Variants in ST6GAL2 observed in about 807,000 individuals in gnomAD.
ST6GAL2 encodes the protein ST6 beta-galactoside alpha-2,6-sialyltransferase 2.
A neutral mutation model predicts 37.5 loss-of-function variants in ST6GAL2; 24 were observed. The ratio of observed to expected loss-of-function variants is 0.64; its 90% CI spans 0.46 to 0.90. The LOEUF is 0.90. ST6GAL2 is among the 40% of genes least tolerant of loss of function. ST6GAL2 has a pLI of 0.00. For missense variants in ST6GAL2, 715 were observed against 712.7 expected (o/e 1.00, Z -0.04); for synonymous variants, 306 against 295.1 (o/e 1.04, Z -0.38).
chr2:106,830,351 G>C (rs1009410829), intron 4 of ST6GAL2, 111 bp from the exon 5 acceptor site: 1 of 831,576 alleles, frequency 1.2e-6, no homozygotes, highest in Non-Finnish European at 1.9e-6. Flanking sequence ...CTAGAGGATG[G>C]GGAAAGATCA....
chr2:106,810,949 C>T (rs1236843934), intron 5 of ST6GAL2, among the ~76,000 whole-genome samples: 1 of 117,236 alleles, frequency 8.5e-6, no homozygotes, highest in African/African-American at 3.4e-5. Context: ...GAGTGGCATC[C>T]TGTCAAAATA....
At chr2:106,827,520 C>T (rs1436367899) in intron 5 of ST6GAL2, among the ~76,000 whole-genome samples, 2 of 152,184 alleles carry the variant, frequency 1.3e-5, no homozygotes, top group Non-Finnish European at 2.9e-5. Context: ...TCTTCTGTTG[C>T]CTCTTCTATC....
intron 1 of ST6GAL2, among the ~76,000 whole-genome samples, chr2:106,859,049 G>A (rs1356552764): frequency 2.0e-5 from 3 of 152,172 alleles, no homozygotes; most frequent in Non-Finnish European, 4.4e-5. Flanking sequence ...CCAATGCTGC[G>A]ACAGTACAAC....
intron 1 of ST6GAL2, among the ~76,000 whole-genome samples, chr2:106,882,867 G>A (rs570445739): frequency 6.6e-6 from 1 of 152,368 alleles, no homozygotes; most frequent in East Asian, 1.9e-4. Flanking sequence ...GGATGGCACA[G>A]AACAGTTCCG....
intron 1 of ST6GAL2, among the ~76,000 whole-genome samples, chr2:106,884,905 G>A (rs773638895): frequency 8.5e-4 from 28 of 32,938 alleles, no homozygotes; most frequent in African/African-American, 4.6e-3. Flanking sequence ...AATTTGCAGC[G>A]CATATATATA....
intron 1 of ST6GAL2, among the ~76,000 whole-genome samples, chr2:106,865,813 TG>T (rs1273164052): frequency 7.2e-5 from 11 of 152,206 alleles, no homozygotes; most frequent in Non-Finnish European, 1.5e-5. Context: ...TTTTATAAAA[TG>T]GATTAGTTCT....
intron 1 of ST6GAL2, among the ~76,000 whole-genome samples, chr2:106,877,335 C>T (rs775453873): frequency 6.6e-6 from 1 of 152,196 alleles, no homozygotes; most frequent in Non-Finnish European, 1.5e-5. Context: ...ATGGAGCTGA[C>T]AATGTCACAT....
At chr2:106,862,526 A>C (rs1315847088) in intron 1 of ST6GAL2, among the ~76,000 whole-genome samples, 2 of 152,212 alleles carry the variant, frequency 1.3e-5, no homozygotes, top group African/African-American at 4.8e-5. Flanking sequence ...TTGATTTCGA[A>C]GAAAAAAAAT....
rs1675436103 is a variant in ST6GAL2 at position 106,806,934 on chromosome 2, A to G, written c.1334T>C (p.Met445Thr). 6.2e-7 allele frequency: 1 copy of G among 1,610,846 alleles called. No homozygotes were observed. The highest frequency in any genetic ancestry group is 1.3e-5 in the African/African-American group (1 of 74,864). The change falls in exon 6 of 6, where the codon ATG becomes ACG. Residue 445 changes from methionine (M) to threonine (T), a missense_variant. Transcript: ENST00000409382. ...SSGFIGILIM[M>T]SMCREVHVYE... ...CACGTGCACCTCTCTGCACATGGAC[A>G]TCATTATGAGGATTCCTGACATGAA...
chr2:106,822,982 T>G (rs1334190501), intron 5 of ST6GAL2: 2 of 152,318 alleles, frequency 1.3e-5, no homozygotes, highest in East Asian at 3.9e-4. Context: ...TTGATAAACT[T>G]TCTATGTACG....
chr2:106,853,625 T>C (rs1288244093), intron 1 of ST6GAL2, among the ~76,000 whole-genome samples: 1 of 152,170 alleles, frequency 6.6e-6, no homozygotes, highest in African/African-American at 2.4e-5. Flanking sequence ...GACAGACTCA[T>C]GTGAGCTGGG....
intron 5 of ST6GAL2, among the ~76,000 whole-genome samples, chr2:106,811,199 A>T (rs1216178612): frequency 6.6e-6 from 1 of 152,202 alleles, no homozygotes; most frequent in African/African-American, 2.4e-5. Context: ...GAAAATTATT[A>T]GTATTAAATT....
At chr2:106,881,006 G>T (rs748045812) in intron 1 of ST6GAL2, among the ~76,000 whole-genome samples, 4 of 152,026 alleles carry the variant, frequency 2.6e-5, no homozygotes, top group Non-Finnish European at 5.9e-5. Context: ...TATTTTCTGA[G>T]ATAGGGTCTC....
intron 1 of ST6GAL2, among the ~76,000 whole-genome samples, chr2:106,854,032 C>T (rs1162243783): frequency 6.6e-6 from 1 of 152,186 alleles, no homozygotes; most frequent in Non-Finnish European, 1.5e-5. Flanking sequence ...ATGGCTAATA[C>T]TAAGAAGATG....
At chr2:106,849,190 T>G (rs990364184) in intron 1 of ST6GAL2, among the ~76,000 whole-genome samples, 1 of 152,158 alleles carries the variant, frequency 6.6e-6, no homozygotes, top group Non-Finnish European at 1.5e-5. Flanking sequence ...TTATTTAAGG[T>G]TGACACAGAT....
intron 2 of ST6GAL2, among the ~76,000 whole-genome samples, chr2:106,841,660 C>A (rs571002437): frequency 6.6e-6 from 1 of 152,198 alleles, no homozygotes; most frequent in South Asian, 2.1e-4. Context: ...AACACAAGAG[C>A]CTGGGTATCT....
intron 1 of ST6GAL2, among the ~76,000 whole-genome samples, chr2:106,851,670 C>CTTTTTTTTTTTTTTTTTTTTT (rs5833214): frequency 7.4e-6 from 1 of 135,848 alleles, no homozygotes. Context: ...GTTTTTCTTT[C>CTTTTTTTTTTTTTTTTTTTTT]TTTTTTTTTT....
intron 4 of ST6GAL2, among the ~76,000 whole-genome samples, chr2:106,830,624 C>T (rs759069682): frequency 3.3e-5 from 5 of 152,242 alleles, no homozygotes; most frequent in Admixed American, 6.5e-5. Context: ...ACTGAATGGG[C>T]GTGCTGTGTT....
intron 1 of ST6GAL2, among the ~76,000 whole-genome samples, chr2:106,871,925 CATTT>C (rs1467415431): frequency 3.3e-5 from 5 of 152,236 alleles, no homozygotes; most frequent in African/African-American, 1.2e-4. Context: ...ACCAGTAACA[CATTT>C]ATTACCATTA....
Sources: allele counts gnomAD v4.1 joint callset (sites outside exome capture counted in the v4.1 genomes callset), GRCh38; gene constraint gnomAD v4.1.1; transcripts MANE v1.5; gene names NCBI Gene and HGNC (gene_info 2026-07-23, HGNC 2026-07-21).